The following PGCKA1 variants were observed in gnomAD, a reference collection of about 807,000 sequenced individuals.
The protein encoded by PGCKA1 is PDCD10 and GCKIII kinases-associated protein 1.
chr4:37,585,225 G>T, the PGCKA1 span, among the ~76,000 whole-genome samples: 3 of 16,102 alleles, frequency 1.9e-4, 1 homozygote, highest in East Asian at 1.9e-3. Flanking sequence ...GGAGGGGAGA[G>T]GAGAGGTATT....
the PGCKA1 span, among the ~76,000 whole-genome samples, chr4:37,554,038 G>A: frequency 6.6e-6 from 1 of 152,162 alleles, no homozygotes; most frequent in Non-Finnish European, 1.5e-5. Context: ...TAATCCCCAC[G>A]TGTTGTGGGA....
chr4:37,530,370 G>C, the PGCKA1 span, among the ~76,000 whole-genome samples: 1 of 151,872 alleles, frequency 6.6e-6, no homozygotes, highest in Non-Finnish European at 1.5e-5. Flanking sequence ...TCAGGAGTTC[G>C]TGACCAGCCT....
chr4:37,571,355 C>CTTTTTTTCCTTTTTTTT, the PGCKA1 span, among the ~76,000 whole-genome samples: 1 of 78,036 alleles, frequency 1.3e-5, no homozygotes, highest in African/African-American at 5.8e-5. Flanking sequence ...GACTATTATC[C>CTTTTTTTCCTTTTTTTT]TTTTTTTTTT....
chr4:37,525,934 C>T, the PGCKA1 span, among the ~76,000 whole-genome samples: 1 of 152,118 alleles, frequency 6.6e-6, no homozygotes. Context: ...ATTTATTAAC[C>T]AGTACTATGT....
the PGCKA1 span, among the ~76,000 whole-genome samples, chr4:37,484,852 A>G: frequency 1.3e-5 from 2 of 152,178 alleles, no homozygotes; most frequent in Non-Finnish European, 1.5e-5. Flanking sequence ...TGGACTTCCC[A>G]ACCTCCATAA....
At chr4:37,516,865 CAT>C in the PGCKA1 span, among the ~76,000 whole-genome samples, 3 of 152,120 alleles carry the variant, frequency 2.0e-5, no homozygotes, top group South Asian at 2.1e-4. Flanking sequence ...AATGAGTAAA[CAT>C]ATGTTTGCAT....
the PGCKA1 span, among the ~76,000 whole-genome samples, chr4:37,476,987 T>C: frequency 6.6e-6 from 1 of 152,152 alleles, no homozygotes; most frequent in African/African-American, 2.4e-5. Context: ...GGAAACAGTC[T>C]TGCAATTCCT....
the PGCKA1 span, among the ~76,000 whole-genome samples, chr4:37,547,573 G>A: frequency 6.6e-6 from 1 of 152,172 alleles, no homozygotes; most frequent in Non-Finnish European, 1.5e-5. Context: ...TTAGAGGTAG[G>A]TTGGCCACCA....
chr4:37,463,864 C>T, the PGCKA1 span, among the ~76,000 whole-genome samples: 1 of 150,088 alleles, frequency 6.7e-6, no homozygotes, highest in African/African-American at 2.4e-5. Context: ...GAAACTGCAA[C>T]CCTTGACAGG....
chr4:37,517,437 A>G, the PGCKA1 span, among the ~76,000 whole-genome samples: 1 of 151,798 alleles, frequency 6.6e-6, no homozygotes, highest in Admixed American at 6.6e-5. Context: ...AATGGTTCTC[A>G]TTATGTTTTT....
the PGCKA1 span, among the ~76,000 whole-genome samples, chr4:37,525,148 G>A: frequency 2.0e-5 from 3 of 152,192 alleles, no homozygotes; most frequent in African/African-American, 7.2e-5. Context: ...CAGTAATGCA[G>A]AGGAGGAGAA....
the PGCKA1 span, among the ~76,000 whole-genome samples, chr4:37,466,600 T>G: frequency 2.6e-5 from 4 of 152,172 alleles, no homozygotes; most frequent in Non-Finnish European, 4.4e-5. Flanking sequence ...AAGATGTTGA[T>G]TCTCCTCTTG....
At chr4:37,537,520 A>C in the PGCKA1 span, among the ~76,000 whole-genome samples, 1 of 152,226 alleles carries the variant, frequency 6.6e-6, no homozygotes, top group South Asian at 2.1e-4. Context: ...AAGGAACAGC[A>C]AGTGATTTGT....
the PGCKA1 span, among the ~76,000 whole-genome samples, chr4:37,543,560 G>A: frequency 2.6e-5 from 4 of 152,072 alleles, no homozygotes; most frequent in African/African-American, 9.7e-5. Context: ...AAGGCTGCCT[G>A]GCTGGGCGCG....
chr4:37,468,175 C>T, the PGCKA1 span, among the ~76,000 whole-genome samples: 567 of 152,306 alleles, frequency 3.7e-3, 2 homozygotes, highest in Middle Eastern at 6.8e-3. Context: ...CTATATTCAA[C>T]ACTTTCTGGT....
At chr4:37,560,956 C>A in the PGCKA1 span, among the ~76,000 whole-genome samples, 1 of 152,048 alleles carries the variant, frequency 6.6e-6, no homozygotes, top group Non-Finnish European at 1.5e-5. Flanking sequence ...CTGTTCCCTT[C>A]ATCTTTTCCA....
chr4:37,590,861 C>T, the PGCKA1 span: 1 of 1,614,060 alleles, frequency 6.2e-7, no homozygotes. Flanking sequence ...GTGGTTGACT[C>T]AGGAAACAGG....
the PGCKA1 span, among the ~76,000 whole-genome samples, chr4:37,472,171 C>T: frequency 2.6e-5 from 4 of 152,186 alleles, no homozygotes; most frequent in Non-Finnish European, 5.9e-5. Flanking sequence ...TGCAGTTAGG[C>T]TTGAGCGACT....
the PGCKA1 span, among the ~76,000 whole-genome samples, chr4:37,576,801 T>C: frequency 3.3e-5 from 5 of 152,138 alleles, no homozygotes; most frequent in Admixed American, 1.3e-4. Flanking sequence ...TGTTGAACTT[T>C]ATCAAATGCC....
Sources: allele counts gnomAD v4.1 joint callset (sites outside exome capture counted in the v4.1 genomes callset), GRCh38; gene constraint gnomAD v4.1.1; transcripts MANE v1.5; gene names NCBI Gene and HGNC (gene_info 2026-07-23, HGNC 2026-07-21).